Variants in RIC8B observed in about 807,000 individuals in gnomAD.
RIC8B encodes chaperone Ric-8B.
RIC8B carries 16 observed loss-of-function variants against 57.5 expected under a neutral mutation model. That is an observed-to-expected ratio of 0.28 (90% confidence interval 0.19 to 0.42). The LOEUF is 0.42. RIC8B is among the 10% of genes least tolerant of loss of function. The pLI is 1.00. For synonymous variants in RIC8B, 216 were observed against 250.8 expected (o/e 0.86, Z 1.31); for missense variants, 481 against 677.0 (o/e 0.71, Z 3.21).
intron 2 of RIC8B, among the ~76,000 whole-genome samples, chr12:106,793,017 C>G (rs929597839): frequency 6.6e-6 from 1 of 152,110 alleles, no homozygotes; most frequent in Non-Finnish European, 1.5e-5. Flanking sequence ...CTACCTGTTG[C>G]TGAAACTAAA....
intron 1 of RIC8B, among the ~76,000 whole-genome samples, chr12:106,783,645 C>G (rs905950811): frequency 6.6e-6 from 1 of 152,172 alleles, no homozygotes; most frequent in African/African-American, 2.4e-5. Flanking sequence ...TTCACACATT[C>G]GAGCCTTTGT....
intron 3 of RIC8B, among the ~76,000 whole-genome samples, chr12:106,818,174 T>A (rs1021871975): frequency 2.0e-5 from 3 of 152,206 alleles, no homozygotes; most frequent in African/African-American, 7.2e-5. Context: ...ACACTTTTTT[T>A]TCTTTTTTTT....
chr12:106,852,139 G>T (rs1266343535), intron 7 of RIC8B, among the ~76,000 whole-genome samples: 2 of 152,190 alleles, frequency 1.3e-5, no homozygotes, highest in Non-Finnish European at 2.9e-5. Flanking sequence ...GTACTACAGT[G>T]TAATAAATAC....
chr12:106,863,696 T>A (rs991995084), intron 8 of RIC8B, among the ~76,000 whole-genome samples: 2 of 152,138 alleles, frequency 1.3e-5, no homozygotes, highest in African/African-American at 4.8e-5. Flanking sequence ...TAAGCAGTCA[T>A]AAAACGTATC....
intron 9 of RIC8B, among the ~76,000 whole-genome samples, chr12:106,876,805 A>T (rs1950685860): frequency 6.6e-6 from 1 of 152,122 alleles, no homozygotes; most frequent in Non-Finnish European, 1.5e-5. Context: ...AGTTCTCCTC[A>T]TTCTTTAACT....
At chr12:106,884,136 C>T (rs915406028) in intron 9 of RIC8B, among the ~76,000 whole-genome samples, 4 of 152,262 alleles carry the variant, frequency 2.6e-5, no homozygotes, top group African/African-American at 9.6e-5. Context: ...TGACAGTGCC[C>T]TCCCCAGGCA....
chr12:106,789,995 C>G (rs1001719695), intron 2 of RIC8B, among the ~76,000 whole-genome samples: 1 of 151,640 alleles, frequency 6.6e-6, no homozygotes, highest in Non-Finnish European at 1.5e-5. Flanking sequence ...GATCTTTAGA[C>G]CTAATTCCTG....
chr12:106,885,597 A>G (rs2136692630), intron 9 of RIC8B, among the ~76,000 whole-genome samples: 1 of 151,106 alleles, frequency 6.6e-6, no homozygotes, highest in African/African-American at 2.4e-5. Flanking sequence ...AAAAAGGTTA[A>G]TTATTCAAAA....
At chr12:106,816,533 T>C (rs1006998396) in intron 3 of RIC8B, among the ~76,000 whole-genome samples, 2 of 152,228 alleles carry the variant, frequency 1.3e-5, no homozygotes, top group Admixed American at 1.3e-4. Flanking sequence ...TATGTTTCTA[T>C]GCTTATTTGG....
Position 106,814,593 on chromosome 12 carries a change from C to T in RIC8B, c.133-103C>T, listed in dbSNP as rs1450982647. On this transcript the variant is annotated intron_variant, in intron 2 of 9. Transcript: ENST00000392837. ...TTAAAAAATAATAAAAACCTTTTCT[C>T]TCTGGATTTTTAACTGTTGTTAAGT... 4 of 1,215,384 alleles carry T rather than the reference C, an allele frequency of 3.3e-6. No individual in the cohort carries two copies. The African/African-American group carries it at 6.1e-5, about 19-fold the overall frequency. The allele number at this position is 1,215,384 out of a possible 1,614,324, so 75.3% of individuals were successfully genotyped here.
At position 106,875,994 on chromosome 12, in the gene RIC8B, C is replaced by T. The variant is rs143673353; in HGVS notation, c.1571+5052C>T. ...TTTACTCTCCTTACAAAAATATCAA[C>T]GACTGTGATTATACCTACCTTTGTG... On this transcript the variant is annotated intron_variant, in intron 9 of 9. Transcript: ENST00000392837. 5.2e-4 allele frequency among the ~76,000 whole-genome samples: 79 copies of T among 152,148 alleles called. 1 individual carries two copies. The highest frequency in any genetic ancestry group is 1.7e-3 in the African/African-American group (70 of 41,516).
chr12:106,825,061 A>C (rs2046034300), intron 3 of RIC8B, among the ~76,000 whole-genome samples: 2 of 152,220 alleles, frequency 1.3e-5, no homozygotes. Flanking sequence ...GAAAGATATG[A>C]CTTTGATGCA....
chr12:106,885,576 C>CA (rs35328877), intron 9 of RIC8B, among the ~76,000 whole-genome samples: 8,805 of 138,356 alleles, frequency 0.064, 353 homozygotes, highest in South Asian at 0.13. Flanking sequence ...ACCAATCCAC[C>CA]AAAAAAAAAA....
At position 106,813,187 on chromosome 12, in the gene RIC8B, C is replaced by CTTTT. The variant is rs35584850; in HGVS notation, c.133-1490_133-1487dup. ...CATAGGTTATATGCAAATACTATGC[C>CTTTT]TTTTTTTTTTTTTTTTTTTTTTGAG... On this transcript the variant is annotated intron_variant, in intron 2 of 9. Coordinates refer to ENST00000392837, the MANE Select transcript of RIC8B (RefSeq NM_001330145.2). Among the ~76,000 whole-genome samples, 58 of 98,680 alleles carry CTTTT rather than the reference C, an allele frequency of 5.9e-4. 2 individuals are homozygous for CTTTT. The highest frequency in any genetic ancestry group is 7.3e-4 in the Admixed American group (6 of 8,220). 64.7% of individuals were successfully genotyped at this position (98,680 alleles called of 152,430 possible). A position where few individuals can be genotyped will look rare whatever the true frequency, so the allele number is the denominator to read the frequency against.
At chr12:106,858,847 T>A (rs1949816456) in intron 7 of RIC8B, among the ~76,000 whole-genome samples, 1 of 152,152 alleles carries the variant, frequency 6.6e-6, no homozygotes, top group Non-Finnish European at 1.5e-5. Flanking sequence ...AGAAGGACCC[T>A]CTAGTTCAGG....
At chr12:106,853,246 G>A (rs1009691800) in intron 7 of RIC8B, among the ~76,000 whole-genome samples, 2 of 151,514 alleles carry the variant, frequency 1.3e-5, no homozygotes, top group Non-Finnish European at 2.9e-5. Context: ...ATTTCTAAAT[G>A]TAATCACATT....
chr12:106,871,546 A>G (rs1950431494), intron 9 of RIC8B: 1 of 151,376 alleles, frequency 6.6e-6, no homozygotes, highest in Non-Finnish European at 1.5e-5. Context: ...TTCCCCTTCA[A>G]AAATAACCAG....
At chr12:106,823,285 A>AC (rs1311072662) in intron 3 of RIC8B, 36 of 311,654 alleles carry the variant, frequency 1.2e-4, no homozygotes, top group Admixed American at 2.3e-4. Context: ...AACCTGGAGT[A>AC]TGCAAAGGAA....
At chr12:106,805,110 A>T (rs930176444) in intron 2 of RIC8B, among the ~76,000 whole-genome samples, 1 of 152,072 alleles carries the variant, frequency 6.6e-6, no homozygotes, top group African/African-American at 2.4e-5. Context: ...ATGTGTTTGG[A>T]TGTGTTTTAT....
Sources: gnomAD v4.1 joint callset for allele counts (sites outside exome capture counted in the v4.1 genomes callset) on GRCh38, gnomAD v4.1.1 for gene constraint, MANE v1.5 for transcripts, NCBI Gene and HGNC (gene_info 2026-07-23, HGNC 2026-07-21) for gene names.